Variants in PAK3 observed in about 807,000 individuals in gnomAD.
PAK3 encodes the protein serine/threonine-protein kinase PAK 3.
A neutral mutation model predicts 41.0 loss-of-function variants in PAK3; 4 were observed. The observed-to-expected ratio is 0.10, with a 90% CI of 0.05 to 0.22. The LOEUF (loss-of-function observed/expected upper bound fraction) is 0.22, where lower values mean the gene tolerates loss of function less well. Ranked by LOEUF, PAK3 falls within the 10% of genes least tolerant of loss-of-function variation. The probability of loss-of-function intolerance (pLI) is 1.00; values close to 1 mark genes in which losing one functional copy is unlikely to be tolerated. For synonymous variants in PAK3, 146 were observed against 139.6 expected, an observed-to-expected ratio of 1.05 and a Z score of -0.32; for missense variants, 205 against 409.9, an observed-to-expected ratio of 0.50 and a Z score of 4.32.
chrX:111,185,600 C>T (rs768255597), intron 11 of PAK3, among the ~76,000 whole-genome samples: 32 of 111,157 alleles, frequency 2.9e-4, no homozygotes, highest in African/African-American at 9.8e-4. Flanking sequence ...GGTTCAGTTT[C>T]AGTTTTCTGC....
chrX:111,220,787 G>A lies in PAK3; in HGVS notation c.*340G>A, dbSNP rs757900332. On this transcript the variant is annotated 3_prime_UTR_variant, in exon 18 of 18. Transcript: ENST00000372007. The stretch of plus-strand genomic sequence containing the variant: ...GCACACTCCCTCTTCATAGTGTTGT[G>A]TTTGTTTTTAAGTTAGAGAGTAGTC... 2 of 204,677 alleles carry A rather than the reference G, an allele frequency of 9.8e-6. No homozygotes were observed. Among genetic ancestry groups the A allele is most frequent in the Admixed American group, 6.7e-5 (1 of 15,011 alleles). The allele number at this position is 204,677 out of a possible 1,213,427, so 16.9% of individuals were successfully genotyped here.
intron 16 of PAK3, among the ~76,000 whole-genome samples, chrX:111,206,189 C>A (rs139356817): frequency 0.018 from 2,040 of 111,069 alleles, 25 homozygotes; most frequent in Middle Eastern, 0.041. Context: ...TGTCTTTTGG[C>A]CCCTGTTTTT....
At chrX:111,044,093 C>T (rs2092476230) in intron 1 of PAK3, among the ~76,000 whole-genome samples, 1 of 109,060 alleles carries the variant, frequency 9.2e-6, no homozygotes, top group African/African-American at 3.5e-5. Flanking sequence ...TATAAGAAAC[C>T]CAAAGTATGT....
intron 17 of PAK3, chrX:111,217,756 GA>G: frequency 3.2e-6 from 1 of 311,889 alleles, no homozygotes; most frequent in Non-Finnish European, 4.3e-6. Context: ...AATTACAGAT[GA>G]AAAGACAACT....
intron 1 of PAK3, among the ~76,000 whole-genome samples, chrX:111,003,242 AC>A (rs2091875878): frequency 8.9e-6 from 1 of 111,958 alleles, no homozygotes; most frequent in African/African-American, 3.2e-5. Context: ...ACAGATAGAT[AC>A]ACAGAGACTG....
chrX:111,184,401 T>C (rs951293239), intron 11 of PAK3, among the ~76,000 whole-genome samples: 1 of 99,158 alleles, frequency 1.0e-5, no homozygotes, highest in Non-Finnish European at 2.0e-5. Flanking sequence ...TGACACTGAC[T>C]TTTTTTTTTT....
At chrX:111,065,140 T>G (rs1603076937) in intron 1 of PAK3, among the ~76,000 whole-genome samples, 1 of 112,349 alleles carries the variant, frequency 8.9e-6, no homozygotes, top group Middle Eastern at 4.6e-3. Context: ...CTTTCAGTTC[T>G]CAAGGGGAAT....
chrX:111,004,742 C>T (rs944597168), intron 1 of PAK3, among the ~76,000 whole-genome samples: 9 of 112,295 alleles, frequency 8.0e-5, no homozygotes, highest in Admixed American at 4.7e-4. Context: ...AATAGCAGTG[C>T]ACACTGAGCT....
intron 1 of PAK3, among the ~76,000 whole-genome samples, chrX:111,080,946 TGGA>T (rs1299166900): frequency 9.0e-6 from 1 of 111,520 alleles, no homozygotes; most frequent in Non-Finnish European, 1.9e-5. Context: ...TGGATGAACC[TGGA>T]GGACATTATA....
At position 111,136,229 on chromosome X, in the gene PAK3, T is replaced by G. The variant is rs777373522; in HGVS notation, c.176-5867T>G. 1.4e-4 allele frequency among the ~76,000 whole-genome samples: 15 copies of G among 111,093 alleles called. No individual in the cohort carries two copies. In the South Asian group the frequency reaches 5.4e-3, roughly 40 times the overall value. On this transcript the variant is annotated intron_variant, in intron 5 of 17. Coordinates refer to ENST00000372007, the MANE Select transcript of PAK3 (RefSeq NM_002578.5). ...TGAATTTCTGGAATATTGGGTGTGG[T>G]GATTGGAAAAGGAAGTTGGCAAGGG...
At chrX:111,067,641 T>C (rs774737518) in intron 1 of PAK3, among the ~76,000 whole-genome samples, 2 of 112,121 alleles carry the variant, frequency 1.8e-5, no homozygotes, top group South Asian at 7.4e-4. Context: ...GAGATGATTA[T>C]GTGATTTGTC....
At chrX:111,140,796 T>A (rs188652705) in intron 5 of PAK3, among the ~76,000 whole-genome samples, 1 of 111,575 alleles carries the variant, frequency 9.0e-6, no homozygotes, top group Non-Finnish European at 1.9e-5. Context: ...CCCATATCTC[T>A]GTCCTGTGGC....
rs2094956200 is a variant in PAK3, at chrX:111,226,950, A to G, written c.*6503A>G. Reference sequence around the variant, plus strand: ...GGGTAGTGATGTCTACTGGGATTATACTCATAACATCTACACAAAACAAGT... The same window carrying G: ...GGGTAGTGATGTCTACTGGGATTATGCTCATAACATCTACACAAAACAAGT... On this transcript the variant is annotated 3_prime_UTR_variant, in exon 18 of 18. Coordinates refer to ENST00000372007, the MANE Select transcript of PAK3 (RefSeq NM_002578.5). 1 of 112,273 alleles carries G rather than the reference A, an allele frequency of 8.9e-6. No individual in the cohort carries two copies. Among genetic ancestry groups the G allele is most frequent in the African/African-American group, 3.2e-5 (1 of 30,889 alleles). 9.3% of individuals were successfully genotyped at this position (112,273 alleles called of 1,213,427 possible).
chrX:111,020,513 G>A (rs1304852576), intron 1 of PAK3, among the ~76,000 whole-genome samples: 1 of 111,188 alleles, frequency 9.0e-6, no homozygotes, highest in African/African-American at 3.3e-5. Context: ...GCCTGAGGGA[G>A]GATTAAGATG....
At chrX:111,041,455 C>T (rs1377749201) in intron 1 of PAK3, among the ~76,000 whole-genome samples, 1 of 111,868 alleles carries the variant, frequency 8.9e-6, no homozygotes, top group Non-Finnish European at 1.9e-5. Flanking sequence ...GTTTAGCTTC[C>T]CCAAACACTC....
At chrX:111,160,498 G>A (rs2094157963) in intron 8 of PAK3, among the ~76,000 whole-genome samples, 1 of 107,264 alleles carries the variant, frequency 9.3e-6, no homozygotes, top group South Asian at 4.0e-4. Context: ...GAAGTTTTAG[G>A]GTACATGTGC....
chrX:111,172,159 C>T (rs1056991975), intron 10 of PAK3, among the ~76,000 whole-genome samples: 1 of 111,325 alleles, frequency 9.0e-6, no homozygotes, highest in African/African-American at 3.3e-5. Flanking sequence ...TGTTTTTTAG[C>T]GATTATACCA....
Position 111,224,918 on chromosome X carries a change from T to A in PAK3, c.*4471T>A, listed in dbSNP as rs2094946126. 8.9e-6 allele frequency: 1 copy of A among 112,235 alleles called. No individual in the cohort carries two copies. The highest frequency in any genetic ancestry group is 1.9e-5 in the Non-Finnish European group (1 of 53,301). The allele number at this position is 112,235 out of a possible 1,213,427, so 9.2% of individuals were successfully genotyped here. A position where few individuals can be genotyped will look rare whatever the true frequency, so the allele number is the denominator to read the frequency against. ...TGCCATCCCCGGTTGAATCTCTTGGTCTTTATCTAAGCTACTTGCAGTTAA... is the reference window on the plus strand; with the variant it reads ...TGCCATCCCCGGTTGAATCTCTTGGACTTTATCTAAGCTACTTGCAGTTAA... On this transcript the variant is annotated 3_prime_UTR_variant, in exon 18 of 18. Coordinates refer to ENST00000372007, the MANE Select transcript of PAK3 (RefSeq NM_002578.5).
At chrX:111,063,715 A>G (rs1195488857) in intron 1 of PAK3, among the ~76,000 whole-genome samples, 3 of 108,744 alleles carry the variant, frequency 2.8e-5, no homozygotes, top group Non-Finnish European at 5.7e-5. Flanking sequence ...CCTGTAAGCT[A>G]CTTGCTAGGC....
Sources: allele counts gnomAD v4.1 joint callset (sites outside exome capture counted in the v4.1 genomes callset), GRCh38; gene constraint gnomAD v4.1.1; transcripts MANE v1.5; gene names NCBI Gene and HGNC (gene_info 2026-07-23, HGNC 2026-07-21).